GRIK2: variants seen among roughly 807,000 people sequenced by gnomAD.
The protein encoded by GRIK2 is glutamate receptor ionotropic, kainate 2.
GRIK2 carries 32 observed loss-of-function variants against 100.3 expected under a neutral mutation model. That is an observed-to-expected ratio of 0.32 (90% CI 0.24 to 0.43). The LOEUF is 0.43. Among genes scored for constraint, GRIK2 ranks in the 20% least tolerant of loss-of-function variants. The pLI is 1.00. For missense variants in GRIK2, 843 were observed against 1,114.9 expected, an observed-to-expected ratio of 0.76 and a Z score of 3.47; for synonymous variants, 417 against 389.4, an observed-to-expected ratio of 1.07 and a Z score of -0.83.
intron 2 of GRIK2, among the ~76,000 whole-genome samples, chr6:101,611,072 T>C (rs1344958415): frequency 2.0e-5 from 3 of 151,802 alleles, no homozygotes. Flanking sequence ...AGTCCTCCCT[T>C]GGATTTTAAT....
intron 10 of GRIK2, among the ~76,000 whole-genome samples, chr6:101,827,956 T>C (rs1782444330): frequency 6.6e-6 from 1 of 151,826 alleles, no homozygotes; most frequent in African/African-American, 2.4e-5. Context: ...GAATCTTCCA[T>C]CCAAAACCCA....
At chr6:101,845,840 A>G (rs1783775724) in intron 10 of GRIK2, among the ~76,000 whole-genome samples, 1 of 152,148 alleles carries the variant, frequency 6.6e-6, no homozygotes, top group African/African-American at 2.4e-5. Flanking sequence ...CATTTTTAAA[A>G]TTATAAAACA....
At chr6:101,572,149 T>G (rs1002658875) in intron 2 of GRIK2, among the ~76,000 whole-genome samples, 28 of 152,262 alleles carry the variant, frequency 1.8e-4, no homozygotes, top group African/African-American at 6.7e-4. Flanking sequence ...GTTGCTTTTT[T>G]ATTTTAATAA....
intron 14 of GRIK2, among the ~76,000 whole-genome samples, chr6:101,939,073 C>T (rs1338084561): frequency 1.3e-5 from 2 of 151,914 alleles, no homozygotes; most frequent in Non-Finnish European, 2.9e-5. Context: ...ACACTATGAG[C>T]TTATGGTTCA....
intron 14 of GRIK2, among the ~76,000 whole-genome samples, chr6:102,003,368 A>G (rs1251006011): frequency 6.6e-6 from 1 of 151,694 alleles, no homozygotes; most frequent in Non-Finnish European, 1.5e-5. Flanking sequence ...TTTGCTATTT[A>G]CTTCCTGGAA....
intron 7 of GRIK2, among the ~76,000 whole-genome samples, chr6:101,726,150 G>C (rs1774850010): frequency 6.6e-6 from 1 of 151,796 alleles, no homozygotes; most frequent in African/African-American, 2.4e-5. Flanking sequence ...CTCTTTATAG[G>C]AGATTTGAAG....
At chr6:101,625,363 A>G (rs574277849) in intron 3 of GRIK2, among the ~76,000 whole-genome samples, 3 of 151,120 alleles carry the variant, frequency 2.0e-5, no homozygotes, top group African/African-American at 7.3e-5. Flanking sequence ...ACAGACTGAG[A>G]CTCTATATCA....
rs567579862 is a variant in GRIK2, at chr6:101,800,067, A to T, written c.1095+276A>T. The stretch of plus-strand genomic sequence containing the variant: ...ATGTAGAGATATAGATTAATAAAGG[A>T]ATGTTTATATTTTAGGCAACAAAAT... On this transcript the variant is annotated intron_variant, in intron 8 of 16. Coordinates refer to ENST00000369134, the MANE Select transcript of GRIK2 (RefSeq NM_021956.5). Among the ~76,000 whole-genome samples the T allele has an allele frequency of 1.1e-3, 171 of 152,266 alleles. 1 individual carries two copies. The highest frequency in any genetic ancestry group is 3.2e-3 in the African/African-American group (134 of 41,572).
At chr6:101,519,950 G>T (rs1404648821) in intron 2 of GRIK2, among the ~76,000 whole-genome samples, 1 of 152,030 alleles carries the variant, frequency 6.6e-6, no homozygotes, top group Non-Finnish European at 1.5e-5. Context: ...TGAGATTAAG[G>T]CATGGTTTGT....
chr6:101,437,312 A>G (rs1020615685), intron 2 of GRIK2, among the ~76,000 whole-genome samples: 4 of 152,136 alleles, frequency 2.6e-5, no homozygotes, highest in African/African-American at 9.7e-5. Flanking sequence ...TGGAAATCTT[A>G]GCAAATATAT....
chr6:101,978,776 T>C (rs1793548490), intron 14 of GRIK2, among the ~76,000 whole-genome samples: 1 of 152,048 alleles, frequency 6.6e-6, no homozygotes, highest in Non-Finnish European at 1.5e-5. Flanking sequence ...AATTATTTGC[T>C]AATGATCAGT....
At chr6:101,469,307 T>A (rs536383140) in intron 2 of GRIK2, among the ~76,000 whole-genome samples, 1 of 152,158 alleles carries the variant, frequency 6.6e-6, no homozygotes, top group Non-Finnish European at 1.5e-5. Context: ...GTTACTGGCA[T>A]GCAAGAGAAG....
intron 4 of GRIK2, among the ~76,000 whole-genome samples, chr6:101,645,714 A>T (rs1781494576): frequency 6.6e-6 from 1 of 151,928 alleles, no homozygotes. Flanking sequence ...ATCTGATTTT[A>T]CAAGTTGATG....
At chr6:101,667,460 G>A (rs1770113489) in intron 4 of GRIK2, among the ~76,000 whole-genome samples, 1 of 152,176 alleles carries the variant, frequency 6.6e-6, no homozygotes, top group Admixed American at 6.6e-5. Flanking sequence ...TGTATTAAGT[G>A]TCAAAGTGTG....
chr6:101,550,289 T>C (rs1204019302), intron 2 of GRIK2, among the ~76,000 whole-genome samples: 1 of 152,180 alleles, frequency 6.6e-6, no homozygotes, highest in Non-Finnish European at 1.5e-5. Flanking sequence ...GAAAGAAATT[T>C]ATTGTCCATT....
chr6:101,663,127 A>G (rs1668263700), intron 4 of GRIK2, among the ~76,000 whole-genome samples: 1 of 152,152 alleles, frequency 6.6e-6, no homozygotes, highest in South Asian at 2.1e-4. Flanking sequence ...AAACATCATA[A>G]GCTCTTTCAT....
chr6:101,745,657 T>A (rs1280347217), intron 7 of GRIK2, among the ~76,000 whole-genome samples: 2 of 152,044 alleles, frequency 1.3e-5, no homozygotes, highest in Non-Finnish European at 2.9e-5. Context: ...AGAAAAAAAA[T>A]TAGCCATGTT....
chr6:101,910,839 C>CCACACACACACACGCGCACACACA (rs1554284825), intron 12 of GRIK2, among the ~76,000 whole-genome samples: 17 of 143,266 alleles, frequency 1.2e-4, no homozygotes, highest in African/African-American at 4.5e-4. Flanking sequence ...CCAACATACA[C>CCACACACACACACGCGCACACACA]CACACACACA....
intron 14 of GRIK2, among the ~76,000 whole-genome samples, chr6:101,950,497 T>C (rs11962979): frequency 3.3e-4 from 50 of 152,270 alleles, no homozygotes; most frequent in African/African-American, 1.2e-3. Flanking sequence ...TGAGATAGAA[T>C]GGACTCTTAC....
Sources: gnomAD v4.1 joint callset for allele counts (sites outside exome capture counted in the v4.1 genomes callset) on GRCh38, gnomAD v4.1.1 for gene constraint, MANE v1.5 for transcripts, NCBI Gene and HGNC (gene_info 2026-07-23, HGNC 2026-07-21) for gene names.